The following CCDC85A variants were observed in gnomAD, a reference collection of about 807,000 sequenced individuals.
CCDC85A encodes the protein coiled-coil domain containing 85A.
A neutral mutation model predicts 50.2 loss-of-function variants in CCDC85A; 38 were observed. The observed-to-expected ratio is 0.76, with a 90% CI of 0.58 to 0.99. The LOEUF (loss-of-function observed/expected upper bound fraction) is 0.99, where lower values mean the gene tolerates loss of function less well. Ranked by LOEUF, CCDC85A falls within the 50% of genes least tolerant of loss-of-function variation. CCDC85A has a pLI of 0.00. For missense variants in CCDC85A, 820 were observed against 742.0 expected (o/e 1.11, Z -1.22); for synonymous variants, 366 against 301.4 (o/e 1.21, Z -2.22).
intron 5 of CCDC85A, among the ~76,000 whole-genome samples, chr2:56,379,356 T>A (rs1676479952): frequency 6.6e-6 from 1 of 152,208 alleles, no homozygotes; most frequent in African/African-American, 2.4e-5. Flanking sequence ...CATGTCTACA[T>A]ATCATTTGGA....
chr2:56,204,234 A>G (rs932389369), intron 2 of CCDC85A, among the ~76,000 whole-genome samples: 1 of 152,152 alleles, frequency 6.6e-6, no homozygotes, highest in Admixed American at 6.5e-5. Context: ...AATTACATAC[A>G]TTTACTAAAG....
chr2:56,333,584 C>A (rs1401905765), intron 2 of CCDC85A, among the ~76,000 whole-genome samples: 3 of 152,036 alleles, frequency 2.0e-5, no homozygotes, highest in Non-Finnish European at 4.4e-5. Context: ...AGAAAGAAAA[C>A]CCTGGCTGCC....
chr2:56,196,952 G>C (rs1676549536), intron 2 of CCDC85A, among the ~76,000 whole-genome samples: 1 of 151,262 alleles, frequency 6.6e-6, no homozygotes, highest in South Asian at 2.1e-4. Flanking sequence ...CCTTGTTAGA[G>C]CAAGTTTCAG....
chr2:56,367,383 T>C (rs1427578956), intron 3 of CCDC85A, among the ~76,000 whole-genome samples: 1 of 152,152 alleles, frequency 6.6e-6, no homozygotes, highest in African/African-American at 2.4e-5. Context: ...AGTTTCCTTC[T>C]AAATCCTTTC....
intron 2 of CCDC85A, among the ~76,000 whole-genome samples, chr2:56,318,983 A>G (rs1305209536): frequency 1.3e-5 from 2 of 152,078 alleles, no homozygotes; most frequent in Non-Finnish European, 2.9e-5. Context: ...TGCACCAATG[A>G]TGATTGTAGT....
At chr2:56,237,654 A>G (rs1179210091) in intron 2 of CCDC85A, among the ~76,000 whole-genome samples, 2 of 152,182 alleles carry the variant, frequency 1.3e-5, no homozygotes, top group South Asian at 2.1e-4. Context: ...ACTGAGCAGT[A>G]TGCAGTAGAG....
chr2:56,322,158 A>T (rs1319806749), intron 2 of CCDC85A, among the ~76,000 whole-genome samples: 1 of 152,216 alleles, frequency 6.6e-6, no homozygotes, highest in Non-Finnish European at 1.5e-5. Flanking sequence ...TGGATTAAAG[A>T]CTTAAATGTT....
At chr2:56,294,333 G>A (rs191126686) in intron 2 of CCDC85A, among the ~76,000 whole-genome samples, 342 of 152,284 alleles carry the variant, frequency 2.2e-3, no homozygotes, top group African/African-American at 7.7e-3. Context: ...GCTATTACAC[G>A]CTGGGCTTAA....
At chr2:56,211,679 T>G (rs951005733) in intron 2 of CCDC85A, among the ~76,000 whole-genome samples, 7 of 152,064 alleles carry the variant, frequency 4.6e-5, no homozygotes, top group African/African-American at 7.2e-5. Flanking sequence ...TATCCCAGAC[T>G]CTTCCTTATC....
intron 1 of CCDC85A, among the ~76,000 whole-genome samples, chr2:56,189,042 T>C (rs1676174513): frequency 1.3e-5 from 2 of 152,186 alleles, no homozygotes; most frequent in Non-Finnish European, 2.9e-5. Context: ...CATTCATTCA[T>C]GGGTACTTTT....
chr2:56,220,370 TTATA>T (rs1668273340), intron 2 of CCDC85A, among the ~76,000 whole-genome samples: 1 of 152,040 alleles, frequency 6.6e-6, no homozygotes, highest in Admixed American at 6.6e-5. Flanking sequence ...CATGCTTGTG[TTATA>T]TAAGGATAAA....
intron 2 of CCDC85A, among the ~76,000 whole-genome samples, chr2:56,211,004 A>C (rs957348693): frequency 1.3e-5 from 2 of 152,100 alleles, no homozygotes; most frequent in Non-Finnish European, 2.9e-5. Flanking sequence ...CATTTGCTGT[A>C]GTCTTCACCA....
At chr2:56,377,124 C>A (rs1676373757) in intron 5 of CCDC85A, among the ~76,000 whole-genome samples, 1 of 152,220 alleles carries the variant, frequency 6.6e-6, no homozygotes, top group East Asian at 1.9e-4. Context: ...GCAGGGCAAC[C>A]ATGCTAGTGG....
chr2:56,227,393 T>C (rs1668586452), intron 2 of CCDC85A, among the ~76,000 whole-genome samples: 1 of 152,208 alleles, frequency 6.6e-6, no homozygotes, highest in Non-Finnish European at 1.5e-5. Flanking sequence ...GTTTTATGCT[T>C]TTTTATTAAA....
intron 2 of CCDC85A, among the ~76,000 whole-genome samples, chr2:56,203,970 T>C (rs1676852594): frequency 6.6e-6 from 1 of 152,140 alleles, no homozygotes. Flanking sequence ...CGGGACTGGC[T>C]TTGCCACTTT....
At chr2:56,362,779 C>T (rs535968306) in intron 3 of CCDC85A, among the ~76,000 whole-genome samples, 36 of 151,990 alleles carry the variant, frequency 2.4e-4, no homozygotes, top group African/African-American at 7.0e-4. Flanking sequence ...CCACCACACC[C>T]GGCTAATTTT....
intron 2 of CCDC85A, among the ~76,000 whole-genome samples, chr2:56,205,828 A>G (rs149894694): frequency 2.1e-4 from 32 of 152,282 alleles, no homozygotes; most frequent in Non-Finnish European, 3.8e-4. Context: ...TGACATGTCC[A>G]TGGAAGGAGG....
intron 2 of CCDC85A, among the ~76,000 whole-genome samples, chr2:56,223,351 A>G (rs1177582356): frequency 2.0e-5 from 3 of 152,176 alleles, no homozygotes; most frequent in African/African-American, 7.2e-5. Context: ...ACAAGAGCAG[A>G]TATAGATAGT....
At chr2:56,216,169 A>G (rs1677386157) in intron 2 of CCDC85A, among the ~76,000 whole-genome samples, 1 of 151,876 alleles carries the variant, frequency 6.6e-6, no homozygotes, top group African/African-American at 2.4e-5. Context: ...AGTTTTGGCA[A>G]TTGCGAACAA....
Sources: allele counts gnomAD v4.1 joint callset (sites outside exome capture counted in the v4.1 genomes callset), GRCh38; gene constraint gnomAD v4.1.1; transcripts MANE v1.5; gene names NCBI Gene and HGNC (gene_info 2026-07-23, HGNC 2026-07-21).